The following ADAMTS18 variants were observed in gnomAD, a reference collection of about 807,000 sequenced individuals.
ADAMTS18 encodes ADAM metallopeptidase with thrombospondin type 1 motif 18, also known as A disintegrin and metalloproteinase with thrombospondin motifs 18.
A neutral mutation model predicts 165.9 loss-of-function variants in ADAMTS18; 157 were observed. The observed-to-expected ratio is 0.95, with a 90% CI of 0.83 to 1.08. The LOEUF (loss-of-function observed/expected upper bound fraction) is 1.08. Ranked by LOEUF, ADAMTS18 falls within the 50% of genes least tolerant of loss-of-function variation. ADAMTS18 has a pLI of 0.00. For synonymous variants in ADAMTS18, 782 were observed against 578.2 expected (o/e 1.35, Z -5.06); for missense variants, 2,040 against 1,534.0 (o/e 1.33, Z -5.51).
rs572824860 is a variant in ADAMTS18, at chr16:77,346,397, G to T, written c.1615-4598C>A. ...AGTAAATCAATATATGAATAAAAAT[G>T]ACAGACTTTGTATTTTAAAATAGTC... is the stretch of plus-strand genomic sequence containing the variant. On this transcript the variant is annotated intron_variant, in intron 10 of 22. Coordinates refer to ENST00000282849, the MANE Select transcript of ADAMTS18 (RefSeq NM_199355.4). 5.3e-5 allele frequency among the ~76,000 whole-genome samples: 8 copies of T among 152,156 alleles called. No individual in the cohort carries two copies. The East Asian group carries it at 1.5e-3, about 29-fold the overall frequency.
At chr16:77,404,180 G>T (rs140015839) in intron 3 of ADAMTS18, among the ~76,000 whole-genome samples, 2 of 152,008 alleles carry the variant, frequency 1.3e-5, no homozygotes, top group African/African-American at 4.8e-5. Context: ...AGGTGGAGGA[G>T]CAAAAAAACG....
chr16:77,332,856 G>A (rs1221847807), intron 12 of ADAMTS18, among the ~76,000 whole-genome samples: 1 of 152,140 alleles, frequency 6.6e-6, no homozygotes, highest in Admixed American at 6.5e-5. Context: ...GAAGAAAATT[G>A]AATTTGCTGT....
At chr16:77,425,524 G>A (rs761430525) in intron 3 of ADAMTS18, among the ~76,000 whole-genome samples, 1 of 152,152 alleles carries the variant, frequency 6.6e-6, no homozygotes, top group Non-Finnish European at 1.5e-5. Context: ...TACAAAGCTG[G>A]GCAGAAATGC....
At chr16:77,420,002 T>A (rs1224701231) in intron 3 of ADAMTS18, among the ~76,000 whole-genome samples, 3 of 91,270 alleles carry the variant, frequency 3.3e-5, no homozygotes, top group African/African-American at 4.4e-5. Flanking sequence ...TGTCGCAGAT[T>A]AAAAAAAAAA....
intron 3 of ADAMTS18, among the ~76,000 whole-genome samples, chr16:77,375,100 C>G (rs930167576): frequency 6.6e-6 from 1 of 152,070 alleles, no homozygotes; most frequent in African/African-American, 2.4e-5. Flanking sequence ...TGAGACAGAT[C>G]TGTGGTCTCC....
At chr16:77,382,542 G>A (rs1447310372) in intron 3 of ADAMTS18, among the ~76,000 whole-genome samples, 1 of 152,154 alleles carries the variant, frequency 6.6e-6, no homozygotes, top group East Asian at 1.9e-4. Flanking sequence ...AGATACTGAA[G>A]CTACATGACC....
intron 3 of ADAMTS18, among the ~76,000 whole-genome samples, chr16:77,377,142 C>A (rs1026304394): frequency 6.6e-6 from 1 of 152,198 alleles, no homozygotes; most frequent in Non-Finnish European, 1.5e-5. Context: ...TCTTAAAGGA[C>A]TCATGCCAGG....
chr16:77,301,758 T>G (rs2055586978), intron 16 of ADAMTS18, among the ~76,000 whole-genome samples: 1 of 140,422 alleles, frequency 7.1e-6, no homozygotes, highest in South Asian at 2.3e-4. Flanking sequence ...GTATTATGAC[T>G]AACTCTTAAG....
intron 3 of ADAMTS18, among the ~76,000 whole-genome samples, chr16:77,385,635 G>T (rs1267360247): frequency 6.6e-6 from 1 of 152,170 alleles, no homozygotes; most frequent in Non-Finnish European, 1.5e-5. Context: ...ACAGACAGCT[G>T]GAGCTGGAAG....
chr16:77,403,539 G>C (rs1166330207), intron 3 of ADAMTS18, among the ~76,000 whole-genome samples: 1 of 152,162 alleles, frequency 6.6e-6, no homozygotes, highest in Non-Finnish European at 1.5e-5. Context: ...GACCAATGTA[G>C]TTAAAAGTCA....
Position 77,300,402 on chromosome 16 carries a change from A to T in ADAMTS18, c.2535T>A (p.Ile845=). The T allele has an allele frequency of 6.2e-7, 1 of 1,614,078 alleles. No homozygotes were observed. The highest frequency in any genetic ancestry group is 8.5e-7 in the Non-Finnish European group (1 of 1,179,968). The change falls in exon 17 of 23, where the codon ATT becomes ATA. Residue 845 remains isoleucine (I), a splice_region_variant and synonymous_variant. Coordinates refer to ENST00000282849, the MANE Select transcript of ADAMTS18 (RefSeq NM_199355.4). ...TCCCTGGATTTTTGCCTTGCATCAGAATCTGGACAGTGTAAGATAAAAATC... is the reference window on the plus strand; with the variant it reads ...TCCCTGGATTTTTGCCTTGCATCAGTATCTGGACAGTGTAAGATAAAAATC... ...GPTNETLVFE[I]LMQGKNPGIA...
Position 77,320,006 on chromosome 16 carries a change from C to A in ADAMTS18, c.2375G>T (p.Arg792Leu). 1.9e-6 allele frequency: 3 copies of A among 1,614,110 alleles called. No homozygotes were observed. Among genetic ancestry groups the A allele is most frequent in the Non-Finnish European group, 2.5e-6 (3 of 1,180,012 alleles). ...LQVSSSYLAV[R>L]SLSQKYYLTG... is the part of the protein sequence containing the mutation. ...GAGGTAATACTTTTGACTGAGGCTTCGAACTGCGAGGTAACTGGAGGAAAC... is the reference window on the plus strand; with the variant it reads ...GAGGTAATACTTTTGACTGAGGCTTAGAACTGCGAGGTAACTGGAGGAAAC... Residue 792 changes from arginine to leucine, a missense_variant, in exon 16 of 23, where the codon CGA becomes CTA. By Grantham distance (102) the Arg-to-Leu change is moderately radical. Coordinates refer to ENST00000282849, the MANE Select transcript of ADAMTS18 (RefSeq NM_199355.4).
chr16:77,311,417 G>T (rs1452960048), intron 16 of ADAMTS18, among the ~76,000 whole-genome samples: 1 of 152,134 alleles, frequency 6.6e-6, no homozygotes, highest in Non-Finnish European at 1.5e-5. Context: ...GTATGGAAAG[G>T]CCTATGAACT....
At position 77,434,826 on chromosome 16, in the gene ADAMTS18, C is replaced by G. The variant is rs1454565507; in HGVS notation, c.-131G>C. On this transcript the variant is annotated 5_prime_UTR_variant, in exon 1 of 23. An upstream open reading frame in the 5' UTR loses its in-frame stop. Coordinates refer to ENST00000282849, the MANE Select transcript of ADAMTS18 (RefSeq NM_199355.4). The stretch of plus-strand genomic sequence containing the variant: ...GCTCCAGGTGAGAGCCGCCGCCGTT[C>G]ACATCGCAGCGGGGGCGCGCTGGGA... The G allele has an allele frequency of 2.8e-6, 2 of 722,766 alleles. No homozygotes were observed. Among genetic ancestry groups the G allele is most frequent in the Non-Finnish European group, 3.9e-6 (2 of 516,688 alleles). The allele number at this position is 722,766 out of a possible 1,614,324, so 44.8% of individuals were successfully genotyped here.
chr16:77,284,261 G>C (rs2055206028), intron 22 of ADAMTS18, among the ~76,000 whole-genome samples, 190 bp from the exon 23 acceptor site: 1 of 151,796 alleles, frequency 6.6e-6, no homozygotes, highest in Non-Finnish European at 1.5e-5. Context: ...AAGTAGCAGG[G>C]ACTATAGGCA....
chr16:77,286,911 C>A (rs1186985121), intron 22 of ADAMTS18, among the ~76,000 whole-genome samples: 1 of 152,108 alleles, frequency 6.6e-6, no homozygotes, highest in East Asian at 1.9e-4. Flanking sequence ...AGGATGGCTT[C>A]CCCAAGGTGG....
In ADAMTS18 at chr16:77,341,722, G is replaced by T. The variant is rs770058727; in HGVS notation, c.1692C>A (p.Thr564=). 1.9e-6 allele frequency: 3 copies of T among 1,613,466 alleles called. No homozygotes were observed. The highest frequency in any genetic ancestry group is 2.5e-6 in the Non-Finnish European group (3 of 1,179,760). ...AGTTTACCATACTCAAGCCACAAACGGTCCCTTCTGCTGCGGGCATAAACT... is the reference window on the plus strand; with the variant it reads ...AGTTTACCATACTCAAGCCACAAACTGTCCCTTCTGCTGCGGGCATAAACT... ...ETKFMPAAEG[T]VCGLSMWCRQ... Residue 564 remains threonine (T), a synonymous_variant, in exon 11 of 23, where the codon ACC becomes ACA. Transcript: ENST00000282849.
At chr16:77,348,623 T>A (rs62043574) in intron 10 of ADAMTS18, among the ~76,000 whole-genome samples, 44,236 of 151,832 alleles carry the variant, frequency 0.29, 7,476 homozygotes, top group East Asian at 0.63. Context: ...GAAGTGGGAG[T>A]GCTAAAACAT....
At chr16:77,384,629 C>T (rs1343409529) in intron 3 of ADAMTS18, among the ~76,000 whole-genome samples, 1 of 152,294 alleles carries the variant, frequency 6.6e-6, no homozygotes, top group African/African-American at 2.4e-5. Context: ...ATAGAAAACC[C>T]TGGCTAACAC....
Sources: allele counts gnomAD v4.1 joint callset (sites outside exome capture counted in the v4.1 genomes callset), GRCh38; gene constraint gnomAD v4.1.1; transcripts MANE v1.5; gene names NCBI Gene and HGNC (gene_info 2026-07-23, HGNC 2026-07-21).